Variants in PRRG1 observed in about 807,000 individuals in gnomAD.
PRRG1 encodes the protein proline rich and Gla domain 1.
A neutral mutation model predicts 11.8 loss-of-function variants in PRRG1; 5 were observed. The ratio of observed to expected loss-of-function variants is 0.42; its 90% CI spans 0.22 to 0.89. PRRG1 has a LOEUF of 0.89. Among genes scored for constraint, PRRG1 ranks in the 40% least tolerant of loss-of-function variants. The pLI is 0.28. For missense variants in PRRG1, 155 were observed against 166.1 expected, an observed-to-expected ratio of 0.93 and a Z score of 0.37; for synonymous variants, 66 against 60.4, an observed-to-expected ratio of 1.09 and a Z score of -0.43.
At chrX:37,447,112 T>A (rs1933091961) in intron 3 of PRRG1, among the ~76,000 whole-genome samples, 1 of 112,150 alleles carries the variant, frequency 8.9e-6, no homozygotes, top group South Asian at 3.7e-4. Context: ...CATACAATGT[T>A]ATAGTACCAT....
chrX:37,385,822 G>A (rs980661728), intron 1 of PRRG1, among the ~76,000 whole-genome samples: 5 of 109,098 alleles, frequency 4.6e-5, no homozygotes, highest in Admixed American at 2.0e-4. Flanking sequence ...GTGCAGTGGC[G>A]TGATCTAGGC....
chrX:37,350,020 C>T (rs1300513757), intron 1 of PRRG1, among the ~76,000 whole-genome samples: 3 of 67,800 alleles, frequency 4.4e-5, no homozygotes, highest in Non-Finnish European at 8.0e-5. Context: ...CGTGCGAGGT[C>T]GGTCGCGGTG....
intron 1 of PRRG1, among the ~76,000 whole-genome samples, chrX:37,384,804 G>A (rs1214928134): frequency 8.9e-6 from 1 of 111,931 alleles, no homozygotes; most frequent in Non-Finnish European, 1.9e-5. Context: ...CCAAGAGTTT[G>A]TAAGAATATA....
At chrX:37,432,284 C>T (rs1298773266) in intron 3 of PRRG1, among the ~76,000 whole-genome samples, 4 of 101,939 alleles carry the variant, frequency 3.9e-5, no homozygotes, top group Non-Finnish European at 7.6e-5. Flanking sequence ...AGACGGCTTT[C>T]ACCCTGTTAG....
intron 1 of PRRG1, among the ~76,000 whole-genome samples, chrX:37,390,701 T>C (rs1349536931): frequency 1.8e-5 from 2 of 112,005 alleles, no homozygotes; most frequent in African/African-American, 6.5e-5. Flanking sequence ...TCCAGGATCG[T>C]CTTCTTCAGG....
intron 3 of PRRG1, among the ~76,000 whole-genome samples, chrX:37,430,721 G>C (rs782748912): frequency 9.0e-6 from 1 of 111,368 alleles, no homozygotes; most frequent in South Asian, 3.9e-4. Context: ...TTCCCCCAAT[G>C]GTTACATCTT....
intron 1 of PRRG1, among the ~76,000 whole-genome samples, chrX:37,366,167 G>C (rs1431627129): frequency 8.9e-6 from 1 of 112,021 alleles, no homozygotes; most frequent in African/African-American, 3.2e-5. Context: ...TATAGGATAT[G>C]GGGGCAATGC....
At chrX:37,450,992 T>TTTTTGTTTTGTTTTGTTTTGTTTTG (rs560769877) in intron 3 of PRRG1, among the ~76,000 whole-genome samples, 1,082 of 106,533 alleles carry the variant, frequency 0.01, 12 homozygotes, top group African/African-American at 0.03. Flanking sequence ...ATTTTTGCTG[T>TTTTTGTTTTGTTTTGTTTTGTTTTG]TTTTGTTTTG....
At chrX:37,420,585 C>A (rs1932625711) in intron 2 of PRRG1, among the ~76,000 whole-genome samples, 1 of 102,029 alleles carries the variant, frequency 9.8e-6, no homozygotes, top group Non-Finnish European at 1.9e-5. Context: ...GTAATCCCAG[C>A]ACTTTGGGAG....
At chrX:37,411,871 C>G (rs1186977158) in intron 2 of PRRG1, among the ~76,000 whole-genome samples, 2 of 111,808 alleles carry the variant, frequency 1.8e-5, no homozygotes, top group Non-Finnish European at 3.8e-5. Context: ...TCTGGAATAG[C>G]TTAATGATTG....
chrX:37,365,186 G>T (rs1930534244), intron 1 of PRRG1, among the ~76,000 whole-genome samples: 1 of 111,473 alleles, frequency 9.0e-6, no homozygotes, highest in Admixed American at 9.5e-5. Context: ...GGGGCTCCTT[G>T]CTTCTGGTGA....
chrX:37,391,881 C>T (rs1451909620), intron 1 of PRRG1, among the ~76,000 whole-genome samples: 1 of 111,581 alleles, frequency 9.0e-6, no homozygotes. Context: ...ATAAGTCCCA[C>T]TGTCATATAA....
At chrX:37,379,174 T>C (rs890272670) in intron 1 of PRRG1, among the ~76,000 whole-genome samples, 3 of 107,357 alleles carry the variant, frequency 2.8e-5, no homozygotes, top group Non-Finnish European at 3.9e-5. Context: ...TTGTGAAGAC[T>C]TCTTATCTTT....
In PRRG1 at chrX:37,425,899, T is replaced by G; in HGVS notation, c.70T>G (p.Phe24Val). Residue 24 changes from phenylalanine to valine, a missense_variant, in exon 3 of 4, where the codon TTT (phenylalanine) becomes GTT (valine). Phe to Val is a conservative substitution (Grantham distance 50). Coordinates refer to ENST00000378628, the MANE Select transcript of PRRG1 (RefSeq NM_001142395.2). ...ILKRYPRANG[F>V]FEEIRQGNIE... ...AAAACGCTACCCAAGAGCTAATGGG[T>G]TTTTTGAAGAAATAAGACAGGGCAA... is the stretch of plus-strand genomic sequence containing the variant. The G allele has an allele frequency of 8.3e-7, 1 of 1,205,278 alleles. No individual in the cohort carries two copies. Among genetic ancestry groups the G allele is most frequent in the Non-Finnish European group, 1.1e-6 (1 of 891,723 alleles).
chrX:37,441,929 G>A (rs1431625299), intron 3 of PRRG1: 1 of 770,381 alleles, frequency 1.3e-6, no homozygotes, highest in Admixed American at 7.6e-5. Context: ...TTCCTGGAGA[G>A]CCACTTCCTG....
At chrX:37,349,492 C>T (rs1929981419) in intron 1 of PRRG1, 97 bp downstream of exon 1, 1 of 112,553 alleles carries the variant, frequency 8.9e-6, no homozygotes. Flanking sequence ...GACTTCGGTT[C>T]TGCGAGGAGA....
chrX:37,385,489 G>GTA (rs782270030), intron 1 of PRRG1, among the ~76,000 whole-genome samples: 2,040 of 107,913 alleles, frequency 0.019, 44 homozygotes, highest in African/African-American at 0.058. Context: ...ATATATATGT[G>GTA]TATATATATA....
intron 1 of PRRG1, among the ~76,000 whole-genome samples, chrX:37,394,178 C>G (rs1194500729): frequency 4.5e-5 from 5 of 112,052 alleles, no homozygotes; most frequent in Non-Finnish European, 9.4e-5. Flanking sequence ...AGATATACAA[C>G]AAATACCAGT....
chrX:37,416,795 C>T (rs1236172641), intron 2 of PRRG1, among the ~76,000 whole-genome samples: 3 of 112,254 alleles, frequency 2.7e-5, no homozygotes, highest in Non-Finnish European at 3.8e-5. Flanking sequence ...CATTTCATGA[C>T]GAATTCTTTT....
Sources: gnomAD v4.1 joint callset for allele counts (sites outside exome capture counted in the v4.1 genomes callset) on GRCh38, gnomAD v4.1.1 for gene constraint, MANE v1.5 for transcripts, NCBI Gene and HGNC (gene_info 2026-07-23, HGNC 2026-07-21) for gene names.